The following ORC3 variants were observed in gnomAD, a reference collection of about 807,000 sequenced individuals.
ORC3 encodes origin recognition complex subunit 3.
Under a neutral mutation model 100.7 loss-of-function variants are expected in ORC3, and 78 were observed. That is an observed-to-expected ratio of 0.77 (90% confidence interval 0.65 to 0.94). The LOEUF is 0.94. Among genes scored for constraint, ORC3 ranks in the 40% least tolerant of loss-of-function variants. The probability of loss-of-function intolerance (pLI) is 0.00; values close to 1 mark genes in which losing one functional copy is unlikely to be tolerated. For missense variants in ORC3, 789 were observed against 823.9 expected, an observed-to-expected ratio of 0.96 and a Z score of 0.52; for synonymous variants, 295 against 289.3, an observed-to-expected ratio of 1.02 and a Z score of -0.20.
intron 2 of ORC3, among the ~76,000 whole-genome samples, chr6:87,598,502 A>G (rs1777631001): frequency 6.6e-6 from 1 of 152,226 alleles, no homozygotes; most frequent in African/African-American, 2.4e-5. Flanking sequence ...CCATAGCTTA[A>G]TACTGCCTCT....
rs747686139 is a variant in ORC3, at chr6:87,645,984, C to CTTTTTTT, written c.1383-7128_1383-7122dup. ...GTGAAATAATTTTTTCTTTTTTTTT[C>CTTTTTTT]TTTTTTTTTTCTTTTTTTTTGAGGC... On this transcript the variant is annotated intron_variant, in intron 13 of 19. Coordinates refer to ENST00000392844, the MANE Select transcript of ORC3 (RefSeq NM_012381.4). 7.1e-5 allele frequency among the ~76,000 whole-genome samples: 9 copies of CTTTTTTT among 127,006 alleles called. 1 individual carries two copies. The highest frequency in any genetic ancestry group is 6.7e-5 in the Non-Finnish European group (4 of 60,100). 83.3% of individuals were successfully genotyped at this position (127,006 alleles called of 152,430 possible). A position where few individuals can be genotyped will look rare whatever the true frequency, so the allele number is the denominator to read the frequency against.
intron 7 of ORC3, 70 bp from the exon 8 acceptor site, chr6:87,612,019 G>A: frequency 1.4e-6 from 2 of 1,404,722 alleles, no homozygotes; most frequent in Non-Finnish European, 2.0e-6. Flanking sequence ...TTTGTCTTAT[G>A]TTGAAATATG....
At position 87,601,857 on chromosome 6, in the gene ORC3, G is replaced by A. The variant is rs961800465; in HGVS notation, c.153G>A (p.Trp51Ter). The change falls in exon 3 of 20, where the codon TGG (tryptophan) becomes TGA (stop). Residue 51 changes from tryptophan to a stop codon, truncating the protein, a stop_gained. Coordinates refer to ENST00000392844, the MANE Select transcript of ORC3 (RefSeq NM_012381.4). LOFTEE classifies it high-confidence loss of function. The part of the protein sequence containing the change: ...KLRFETYQLI[W>*]QQMKSENERL... ...GATTCGAAACTTATCAGTTGATATG[G>A]CAGCAGATGAAATCTGAAAATGAGG... The A allele has an allele frequency of 1.2e-6, 2 of 1,605,178 alleles. No individual in the cohort carries two copies. Among genetic ancestry groups the A allele is most frequent in the Non-Finnish European group, 1.7e-6 (2 of 1,171,946 alleles).
chr6:87,654,631 C>T (rs1174471379), intron 14 of ORC3, among the ~76,000 whole-genome samples: 2 of 152,154 alleles, frequency 1.3e-5, no homozygotes, highest in Admixed American at 6.5e-5. Context: ...TATAAATACG[C>T]CCTAATAGTG....
rs542021660 is a variant in ORC3 at position 87,650,878 on chromosome 6, A to T, written c.1383-2238A>T. 4 of 272,048 alleles carry T rather than the reference A, an allele frequency of 1.5e-5. No individual in the cohort carries two copies. In the East Asian group the frequency reaches 3.4e-4, roughly 23 times the overall value. 16.9% of individuals were successfully genotyped at this position (272,048 alleles called of 1,614,324 possible). A position where few individuals can be genotyped will look rare whatever the true frequency, so the allele number is the denominator to read the frequency against. The stretch of plus-strand genomic sequence containing the variant: ...CAAAATTAGCCGGGCATGGTGGTGC[A>T]TGCCTGTAATCACAGCTACTCGGGA... On this transcript the variant is annotated intron_variant, in intron 13 of 19. Coordinates refer to ENST00000392844, the MANE Select transcript of ORC3 (RefSeq NM_012381.4).
In ORC3 at chr6:87,643,545, G is replaced by A. The variant is rs141424915; in HGVS notation, c.1382+7059G>A. 1.4e-3 allele frequency among the ~76,000 whole-genome samples: 218 copies of A among 152,232 alleles called. 1 individual carries two copies. Among genetic ancestry groups the A allele is most frequent in the African/African-American group, 4.6e-3 (191 of 41,552 alleles). On this transcript the variant is annotated intron_variant, in intron 13 of 19. Coordinates refer to ENST00000392844, the MANE Select transcript of ORC3 (RefSeq NM_012381.4). ...CAAATTGGCTCGAAAACTGGACTGC[G>A]GTATTCCGCTAATAGTGAGCTAATG...
rs1195821708 is a variant in ORC3 at position 87,607,706 on chromosome 6, A to G, written c.461A>G (p.Gln154Arg). ...CATTTTTTGCAAAAGTTGATCTCAC[A>G]GTTGATGGACTGCTGTGTAGATATA... ...MKHFLQKLIS[Q>R]LMDCCVDIKS... Residue 154 changes from glutamine (Q) to arginine (R), a missense_variant, in exon 6 of 20, where the codon CAG becomes CGG. By Grantham distance (43) the Gln-to-Arg change is conservative. Around this residue, in one of 3 missense-constraint regions of ORC3, gnomAD observed 399 missense variants for 382.0 expected, o/e 1.04. Coordinates refer to ENST00000392844, the MANE Select transcript of ORC3 (RefSeq NM_012381.4). The G allele has an allele frequency of 1.9e-6, 3 of 1,607,728 alleles. No homozygotes were observed. In the South Asian group the frequency reaches 3.3e-5, roughly 18 times the overall value.
Position 87,607,785 on chromosome 6 carries a change from A to G in ORC3, c.540A>G (p.Ser180=). Reference sequence around the variant, plus strand: ...TCACCCAAAGAAAGACACATTATTCAATGGATTCACTTTCCAGTTGGTATA... The same window carrying G: ...TCACCCAAAGAAAGACACATTATTCGATGGATTCACTTTCCAGTTGGTATA... ...VHVTQRKTHY[S]MDSLSSWYMT... Residue 180 remains serine, a synonymous_variant, in exon 6 of 20, where the codon TCA becomes TCG. Transcript: ENST00000392844. 1 of 1,612,694 alleles carries G rather than the reference A, an allele frequency of 6.2e-7. No homozygotes were observed. The highest frequency in any genetic ancestry group is 8.5e-7 in the Non-Finnish European group (1 of 1,178,964).
chr6:87,644,558 G>A (rs887382428), intron 13 of ORC3, among the ~76,000 whole-genome samples: 3 of 151,622 alleles, frequency 2.0e-5, no homozygotes, highest in Admixed American at 1.3e-4. Flanking sequence ...AAAATTAGCC[G>A]GGCGTGGTGG....
At chr6:87,676,260 C>G in the ORC3 span, among the ~76,000 whole-genome samples, 2 of 150,338 alleles carry the variant, frequency 1.3e-5, no homozygotes, top group Non-Finnish European at 3.0e-5. Flanking sequence ...GTCAGAAGAT[C>G]GAGACCATCC....
chr6:87,609,082 C>G lies in ORC3; in HGVS notation c.580-14C>G. The stretch of plus-strand genomic sequence containing the variant: ...GCTTACCTTTAACTCTTTCTTTCTG[C>G]AATGGCTTAAAAGAAGACGGACCCA... On this transcript the variant is annotated splice_polypyrimidine_tract_variant and intron_variant, in intron 6 of 19. Transcript: ENST00000392844. 1 of 1,583,104 alleles carries G rather than the reference C, an allele frequency of 6.3e-7. No individual in the cohort carries two copies. The highest frequency in any genetic ancestry group is 8.5e-7 in the Non-Finnish European group (1 of 1,170,084).
At position 87,601,821 on chromosome 6, in the gene ORC3, C is replaced by T. The variant is rs1311954095; in HGVS notation, c.117C>T (p.Asp39=). ...YFNKGKNEPE[D]SKLRFETYQL... is the part of the protein sequence containing the mutation. ...ACAAAGGGAAAAATGAGCCTGAGGA[C>T]AGTAAGCTTCGATTCGAAACTTATC... The change falls in exon 3 of 20, where the codon GAC becomes GAT. Residue 39 remains aspartate (D), a synonymous_variant. Coordinates refer to ENST00000392844, the MANE Select transcript of ORC3 (RefSeq NM_012381.4). The T allele has an allele frequency of 3.1e-6, 5 of 1,610,750 alleles. No individual in the cohort carries two copies. Among genetic ancestry groups the T allele is most frequent in the Non-Finnish European group, 4.2e-6 (5 of 1,177,100 alleles).
intron 13 of ORC3, among the ~76,000 whole-genome samples, chr6:87,649,738 C>T (rs1709372518): frequency 6.6e-6 from 1 of 152,152 alleles, no homozygotes; most frequent in Non-Finnish European, 1.5e-5. Context: ...AAGAGCCAAA[C>T]TCCATCTCAA....
chr6:87,629,596 G>A (rs1331284343), intron 11 of ORC3, among the ~76,000 whole-genome samples: 1 of 94,346 alleles, frequency 1.1e-5, no homozygotes, highest in Non-Finnish European at 2.1e-5. Flanking sequence ...GGTTACAGGT[G>A]CAGTTTGTTA....
intron 19 of ORC3, among the ~76,000 whole-genome samples, chr6:87,666,553 C>T (rs1770653811): frequency 6.6e-6 from 1 of 151,360 alleles, no homozygotes; most frequent in Admixed American, 6.6e-5. Context: ...ATTCTCCTGC[C>T]TCAGCTTCCC....
At position 87,658,024 on chromosome 6, in the gene ORC3, T is replaced by A; in HGVS notation, c.1691+6T>A. 1 of 1,512,140 alleles carries A rather than the reference T, an allele frequency of 6.6e-7. No individual in the cohort carries two copies. The highest frequency in any genetic ancestry group is 9.2e-7 in the Non-Finnish European group (1 of 1,088,478). 93.7% of individuals were successfully genotyped at this position (1,512,140 alleles called of 1,614,324 possible). On this transcript the variant is annotated splice_donor_region_variant and intron_variant, in intron 16 of 19. Transcript: ENST00000392844. ...TTCATTGACTGTCTAGTGAGGTAAG[T>A]CTAAATTTAGCTCTTAAGAGCTAAA...
chr6:87,655,352 A>AT (rs1200855232), intron 14 of ORC3, among the ~76,000 whole-genome samples: 2 of 129,952 alleles, frequency 1.5e-5, no homozygotes, highest in African/African-American at 2.8e-5. Flanking sequence ...CATCCAGCTG[A>AT]ATTTTTTTTT....
chr6:87,611,668 G>A (rs1205199423), intron 7 of ORC3, among the ~76,000 whole-genome samples: 2 of 151,976 alleles, frequency 1.3e-5, no homozygotes, highest in Non-Finnish European at 2.9e-5. Context: ...TGTAGTCCCA[G>A]CTACTCGGGA....
chr6:87,657,391 G>A (rs1769799678), intron 15 of ORC3, among the ~76,000 whole-genome samples: 1 of 152,198 alleles, frequency 6.6e-6, no homozygotes, highest in Non-Finnish European at 1.5e-5. Flanking sequence ...GCATATTCAA[G>A]TATAGAGCAG....
Sources: allele counts gnomAD v4.1 joint callset (sites outside exome capture counted in the v4.1 genomes callset), GRCh38; gene constraint gnomAD v4.1.1; regional missense constraint gnomAD v4.1.1; transcripts MANE v1.5; gene names NCBI Gene and HGNC (gene_info 2026-07-23, HGNC 2026-07-21).